TEK: variants seen among roughly 807,000 people sequenced by gnomAD.
TEK encodes angiopoietin-1 receptor.
A neutral mutation model predicts 131.8 loss-of-function variants in TEK; 43 were observed. The ratio of observed to expected loss-of-function variants is 0.33; its 90% CI spans 0.26 to 0.42. The LOEUF (loss-of-function observed/expected upper bound fraction) is 0.42. Among genes scored for constraint, TEK ranks in the 10% least tolerant of loss-of-function variants. TEK has a pLI of 1.00. For missense variants in TEK, 1,162 were observed against 1,384.4 expected, an observed-to-expected ratio of 0.84 and a Z score of 2.55; for synonymous variants, 580 against 491.6, an observed-to-expected ratio of 1.18 and a Z score of -2.38.
Position 27,212,657 on chromosome 9 carries a change from A to G in TEK, c.2687-50A>G, listed in dbSNP as rs191867650. ...TTCCACAGCACATCTCTTAAATGTC[A>G]TAGCTGTTCAGGGCCACTGATGAGT... On this transcript the variant is annotated intron_variant, in intron 16 of 22. Coordinates refer to ENST00000380036, the MANE Select transcript of TEK (RefSeq NM_000459.5). The G allele has an allele frequency of 5.0e-6, 8 of 1,597,172 alleles. No individual in the cohort carries two copies. The Admixed American group carries it at 8.4e-5, about 17-fold the overall frequency.
chr9:27,203,823 T>C (rs1825306771), intron 13 of TEK, among the ~76,000 whole-genome samples: 1 of 152,324 alleles, frequency 6.6e-6, no homozygotes, highest in Admixed American at 6.5e-5. Flanking sequence ...GTTTTGAAAA[T>C]TTATGATTTG....
At chr9:27,111,202 G>A (rs1821330459) in intron 1 of TEK, among the ~76,000 whole-genome samples, 1 of 149,720 alleles carries the variant, frequency 6.7e-6, no homozygotes, top group Admixed American at 6.8e-5. Flanking sequence ...GGAAAAAACA[G>A]CACTGCCTTT....
chr9:27,158,259 G>C, intron 2 of TEK, 117 bp downstream of exon 2: 2 of 1,197,208 alleles, frequency 1.7e-6, no homozygotes, highest in Non-Finnish European at 1.2e-6. Flanking sequence ...AGAGCTTGAC[G>C]ATCTTGCCTG....
Position 27,211,058 on chromosome 9 carries a change from G to T in TEK, c.2687-1649G>T, listed in dbSNP as rs909207182. Among the ~76,000 whole-genome samples the T allele has an allele frequency of 5.3e-5, 8 of 151,722 alleles. 1 individual carries two copies. The highest frequency in any genetic ancestry group is 4.2e-4 in the South Asian group (2 of 4,814). On this transcript the variant is annotated intron_variant, in intron 16 of 22. Transcript: ENST00000380036. The stretch of plus-strand genomic sequence containing the variant: ...AATCGCTTGAACCTGGGAGGCGGAG[G>T]TTGCAGTGAGCCGAGATCGCACCAC...
intron 15 of TEK, among the ~76,000 whole-genome samples, chr9:27,207,687 T>C (rs1249879300): frequency 6.6e-6 from 1 of 152,156 alleles, no homozygotes; most frequent in Non-Finnish European, 1.5e-5. Context: ...GCAGAGAATA[T>C]GATGAACTAT....
intron 1 of TEK, among the ~76,000 whole-genome samples, chr9:27,135,726 T>C (rs1822400044): frequency 6.7e-6 from 1 of 149,824 alleles, no homozygotes; most frequent in Non-Finnish European, 1.5e-5. Flanking sequence ...CAGGATGGCT[T>C]GAATCCCTGG....
rs1252934066 is a variant in TEK at position 27,109,536 on chromosome 9, A to T, written c.-55A>T. The T allele has an allele frequency of 1.9e-6, 3 of 1,595,956 alleles. No individual in the cohort carries two copies. Among genetic ancestry groups the T allele is most frequent in the Non-Finnish European group, 2.6e-6 (3 of 1,163,604 alleles). ...CACAAACCGCTGGGTTTTTGAAAGG[A>T]TCCTTGGGACCTCATGCACATTTGT... On this transcript the variant is annotated 5_prime_UTR_variant, in exon 1 of 23. Coordinates refer to ENST00000380036, the MANE Select transcript of TEK (RefSeq NM_000459.5).
At chr9:27,176,345 T>C (rs113304041) in intron 6 of TEK, among the ~76,000 whole-genome samples, 4 of 152,160 alleles carry the variant, frequency 2.6e-5, no homozygotes, top group Admixed American at 6.5e-5. Context: ...TTCAAAGTCA[T>C]TCAGAACACT....
At position 27,192,506 on chromosome 9, in the gene TEK, A is replaced by G. The variant is rs200574110; in HGVS notation, c.1507A>G (p.Thr503Ala). The change falls in exon 11 of 23, where the codon ACA becomes GCA. Residue 503 changes from threonine to alanine, a missense_variant. This residue lies in a region of TEK where 477 missense variants were observed against 471.0 expected (regional missense o/e 1.01). Transcript: ENST00000380036. ...CTTCTCAGTGACAAATGAGATTGTT[A>G]CACTCAACTATTTGGAACCTCGGAC... Reference protein sequence around the residue: ...QHIQVTNEIVTLNYLEPRTEY... With the variant: ...QHIQVTNEIVALNYLEPRTEY... 5.6e-5 allele frequency: 90 copies of G among 1,613,982 alleles called. No homozygotes were observed. In the African/African-American group the frequency reaches 1.1e-3, roughly 19 times the overall value.
intron 1 of TEK, among the ~76,000 whole-genome samples, chr9:27,126,564 G>C (rs929204850): frequency 2.6e-5 from 4 of 152,068 alleles, no homozygotes; most frequent in Non-Finnish European, 5.9e-5. Context: ...TAAATGATGA[G>C]GATACACTGT....
chr9:27,221,720 A>T (rs150546395), intron 21 of TEK, among the ~76,000 whole-genome samples: 40 of 152,282 alleles, frequency 2.6e-4, no homozygotes, highest in African/African-American at 8.2e-4. Flanking sequence ...TAGTATCAAC[A>T]TCAACAAAAA....
At chr9:27,215,661 A>G (rs1825799090) in intron 18 of TEK, among the ~76,000 whole-genome samples, 1 of 151,992 alleles carries the variant, frequency 6.6e-6, no homozygotes, top group Non-Finnish European at 1.5e-5. Flanking sequence ...ATCATAGATT[A>G]ATATATCCAT....
At position 27,142,793 on chromosome 9, in the gene TEK, G is replaced by A. The variant is rs13439986; in HGVS notation, c.53-15038G>A. Among the ~76,000 whole-genome samples, 631 of 152,338 alleles carry A rather than the reference G, an allele frequency of 4.1e-3. 3 individuals carry two copies. The highest frequency in any genetic ancestry group is 0.014 in the African/African-American group (601 of 41,582). On this transcript the variant is annotated intron_variant, in intron 1 of 22. Transcript: ENST00000380036. ...TTTGAGATCTCCTTTAGTCATCGCTGTTGCTTATTTTGTCTAAGCCAGTTT... is the reference window on the plus strand; with the variant it reads ...TTTGAGATCTCCTTTAGTCATCGCTATTGCTTATTTTGTCTAAGCCAGTTT...
chr9:27,220,189 C>G (rs1826006818), intron 21 of TEK, 44 bp downstream of exon 21: 1 of 1,598,050 alleles, frequency 6.3e-7, no homozygotes, highest in Non-Finnish European at 8.6e-7. Flanking sequence ...TTACCTTCCC[C>G]CTGTGTGTTT....
At chr9:27,220,022 C>G (rs767514002) in intron 20 of TEK, 27 bp from the exon 21 acceptor site, 4 of 1,610,732 alleles carry the variant, frequency 2.5e-6, no homozygotes, top group Non-Finnish European at 2.5e-6. Flanking sequence ...CCAGAGAGGA[C>G]TTAGAGTGGC....
At chr9:27,117,247 G>T (rs564769558) in intron 1 of TEK, among the ~76,000 whole-genome samples, 27 of 152,318 alleles carry the variant, frequency 1.8e-4, no homozygotes, top group African/African-American at 6.3e-4. Flanking sequence ...CAGCCTGCAG[G>T]TGTGTTATTT....
rs143823087 is a variant in TEK at position 27,226,509 on chromosome 9, C to G, written c.3201-1697C>G. 7.4e-3 allele frequency among the ~76,000 whole-genome samples: 1,123 copies of G among 152,132 alleles called. 9 individuals carry two copies. The highest frequency in any genetic ancestry group is 0.019 in the Admixed American group (287 of 15,276). ...GAAGACCAAACATTGCATGTTCTCA[C>G]TCATAAGTTGGAGTTTAAGGATGAG... is the stretch of plus-strand genomic sequence containing the variant. On this transcript the variant is annotated intron_variant, in intron 21 of 22. Coordinates refer to ENST00000380036, the MANE Select transcript of TEK (RefSeq NM_000459.5).
intron 1 of TEK, among the ~76,000 whole-genome samples, chr9:27,112,894 G>A (rs190180375): frequency 6.6e-6 from 1 of 152,336 alleles, no homozygotes. Flanking sequence ...GAAAGTTCTT[G>A]TGAATGACAC....
At chr9:27,205,183 C>T (rs759085514) in intron 14 of TEK, 118 bp downstream of exon 14, 26 of 1,283,286 alleles carry the variant, frequency 2.0e-5, no homozygotes, top group Non-Finnish European at 2.8e-5. Context: ...CTTAGGCAAG[C>T]CTCATCTTCT....
Sources: allele counts gnomAD v4.1 joint callset (sites outside exome capture counted in the v4.1 genomes callset), GRCh38; gene constraint gnomAD v4.1.1; regional missense constraint gnomAD v4.1.1; transcripts MANE v1.5; gene names NCBI Gene and HGNC (gene_info 2026-07-23, HGNC 2026-07-21).